TMEM176A: variants seen among roughly 807,000 people sequenced by gnomAD.
TMEM176A encodes hepatocellular carcinoma-associated antigen 112.
TMEM176A carries 20 observed loss-of-function variants against 27.9 expected under a neutral mutation model. That is an observed-to-expected ratio of 0.72 (90% CI 0.50 to 1.04). The LOEUF (loss-of-function observed/expected upper bound fraction) is 1.04. Ranked by LOEUF, TMEM176A falls within the 50% of genes least tolerant of loss-of-function variation. The probability of loss-of-function intolerance (pLI) is 0.00; values close to 1 mark genes in which losing one functional copy is unlikely to be tolerated. For missense variants in TMEM176A, 252 were observed against 289.1 expected (o/e 0.87, Z 0.93); for synonymous variants, 125 against 118.0 (o/e 1.06, Z -0.38).
chr7:150,803,738 C>G lies in TMEM176A; in HGVS notation c.461C>G (p.Ser154Cys). ...YSYYNSACRI[S>C]SSSDWNTPAP... ...TATTACAACAGTGCCTGCCGCATCT[C>G]CAGCTCGAGTGACTGGAACACTCCA... Residue 154 changes from serine to cysteine, a missense_variant, in exon 5 of 7, where the codon TCC becomes TGC. Ser to Cys is a moderately radical substitution (Grantham distance 112, BLOSUM62 -1). Coordinates refer to ENST00000004103, the MANE Select transcript of TMEM176A (RefSeq NM_018487.3). 6.2e-7 allele frequency: 1 copy of G among 1,614,204 alleles called. No homozygotes were observed. Among genetic ancestry groups the G allele is most frequent in the Non-Finnish European group, 8.5e-7 (1 of 1,180,036 alleles).
chr7:150,804,249 A>G, intron 5 of TMEM176A, 113 bp from the exon 6 acceptor site: 1 of 816,484 alleles, frequency 1.2e-6, no homozygotes. Flanking sequence ...TCCAGAAGCC[A>G]CGAACTTGGA....
In TMEM176A at chr7:150,801,563, G is replaced by C. The variant is rs1798787880; in HGVS notation, c.13G>C (p.Asp5His). Residue 5 changes from aspartate (D) to histidine (H), a missense_variant, in exon 2 of 7, where the codon GAC becomes CAC. Asp to His is a moderately conservative substitution (Grantham distance 81). Coordinates refer to ENST00000004103, the MANE Select transcript of TMEM176A (RefSeq NM_018487.3). Reference sequence around the variant, plus strand: ...TGTGTCCCTGACAATGGGAACAGCCGACAGTGATGAGATGGCCCCGGAGGC... The same window carrying C: ...TGTGTCCCTGACAATGGGAACAGCCCACAGTGATGAGATGGCCCCGGAGGC... Reference protein sequence around the residue: MGTADSDEMAPEAPQ... With the variant: MGTAHSDEMAPEAPQ... The C allele has an allele frequency of 1.9e-6, 3 of 1,602,502 alleles. No homozygotes were observed. The highest frequency in any genetic ancestry group is 3.5e-5 in the Admixed American group (2 of 56,738).
chr7:150,801,339 C>T (rs1381663476), intron 1 of TMEM176A, 197 bp from the exon 2 acceptor site: 4 of 491,836 alleles, frequency 8.1e-6, no homozygotes, highest in Non-Finnish European at 1.0e-5. Flanking sequence ...TCTGTAGTCG[C>T]CGCAGTTCCA....
chr7:150,804,804 T>G (rs547380117), intron 6 of TMEM176A, 23 bp from the exon 7 acceptor site: 1 of 1,614,096 alleles, frequency 6.2e-7, no homozygotes, highest in East Asian at 2.2e-5. Context: ...CTCACGATTG[T>G]CTTGCCTTTC....
At chr7:150,804,518 G>C in intron 6 of TMEM176A, 46 bp downstream of exon 6, 5 of 1,510,316 alleles carry the variant, frequency 3.3e-6, no homozygotes, top group Non-Finnish European at 4.6e-6. Context: ...CAGTGGAACT[G>C]CTCAAAGGAG....
intron 1 of TMEM176A, 113 bp from the exon 2 acceptor site, chr7:150,801,423 A>T (rs1474826570): frequency 9.5e-7 from 1 of 1,055,668 alleles, no homozygotes; most frequent in Non-Finnish European, 1.4e-6. Context: ...TGACCAGGAC[A>T]GCCATTCATT....
chr7:150,802,743 T>G (rs714883), intron 3 of TMEM176A: 167,379 of 1,009,888 alleles, frequency 0.17, 14,864 homozygotes, highest in Middle Eastern at 0.18. Context: ...ACCCAGGAAT[T>G]GTTGTCAACA....
chr7:150,804,993 T>G lies in TMEM176A; in HGVS notation c.*125T>G. On this transcript the variant is annotated 3_prime_UTR_variant, in exon 7 of 7. Coordinates refer to ENST00000004103, the MANE Select transcript of TMEM176A (RefSeq NM_018487.3). ...AACAGCCCCAGTTATCCTGGCCCCA[T>G]GACCGTGGCCACAGCCCTGCTCCAG... The G allele has an allele frequency of 2.0e-6, 2 of 1,020,646 alleles. No individual in the cohort carries two copies. Among genetic ancestry groups the G allele is most frequent in the Non-Finnish European group, 3.1e-6 (2 of 654,812 alleles). 63.2% of individuals were successfully genotyped at this position (1,020,646 alleles called of 1,614,324 possible).
chr7:150,803,069 C>G, intron 3 of TMEM176A: 2 of 1,045,760 alleles, frequency 1.9e-6, no homozygotes, highest in Non-Finnish European at 2.3e-6. Flanking sequence ...TCTCCAGCAC[C>G]CCATGACTTT....
intron 6 of TMEM176A, 173 bp from the exon 7 acceptor site, chr7:150,804,654 T>C: frequency 1.2e-6 from 1 of 863,608 alleles, no homozygotes; most frequent in South Asian, 1.6e-5. Flanking sequence ...CCCAACCAAG[T>C]GGCCCCCAAG....
Position 150,805,054 on chromosome 7 carries a change from C to G in TMEM176A, c.*186C>G. 1 of 632,026 alleles carries G rather than the reference C, an allele frequency of 1.6e-6. No homozygotes were observed. Among genetic ancestry groups the G allele is most frequent in the Non-Finnish European group, 2.8e-6 (1 of 354,448 alleles). 39.2% of individuals were successfully genotyped at this position (632,026 alleles called of 1,614,324 possible). On this transcript the variant is annotated 3_prime_UTR_variant, in exon 7 of 7. Coordinates refer to ENST00000004103, the MANE Select transcript of TMEM176A (RefSeq NM_018487.3). ...CCATTCCTTACACCCCTTCCCCATC[C>G]TGCTCCGCTTCATGTCCCCTCCTGA... is the stretch of plus-strand genomic sequence containing the variant.
Position 150,805,103 on chromosome 7 carries a change from C to A in TMEM176A, c.*235C>A. 1.9e-6 allele frequency: 1 copy of A among 522,390 alleles called. No individual in the cohort carries two copies. 32.4% of individuals were successfully genotyped at this position (522,390 alleles called of 1,614,324 possible). On this transcript the variant is annotated 3_prime_UTR_variant, in exon 7 of 7. Coordinates refer to ENST00000004103, the MANE Select transcript of TMEM176A (RefSeq NM_018487.3). Reference sequence around the variant, plus strand: ...GAGTAGTCATGTGATAATAAACTCTCATGTTATTGTTCCCAGGTTCTCGCT... The same window carrying A: ...GAGTAGTCATGTGATAATAAACTCTAATGTTATTGTTCCCAGGTTCTCGCT...
intron 3 of TMEM176A, chr7:150,803,183 A>G: frequency 7.8e-7 from 1 of 1,285,982 alleles, no homozygotes; most frequent in Admixed American, 3.8e-5. Flanking sequence ...GCTTGACCAC[A>G]AGCTCTTAGG....
chr7:150,804,725 A>ATGC, intron 6 of TMEM176A, 102 bp from the exon 7 acceptor site: 1 of 1,236,422 alleles, frequency 8.1e-7, no homozygotes. Flanking sequence ...ATCAGGTACC[A>ATGC]TGCTGCTGAT....
At chr7:150,800,850 G>A (rs942689943) in intron 1 of TMEM176A, 22 bp downstream of exon 1, 5 of 935,098 alleles carry the variant, frequency 5.3e-6, no homozygotes, top group Non-Finnish European at 5.1e-6. Flanking sequence ...CCCCACTCCC[G>A]GCGGCCCCCG....
In TMEM176A at chr7:150,803,387, A is replaced by C. The variant is rs1270568390; in HGVS notation, c.286-13A>C. 1 of 1,559,544 alleles carries C rather than the reference A, an allele frequency of 6.4e-7. No homozygotes were observed. The highest frequency in any genetic ancestry group is 1.4e-5 in the African/African-American group (1 of 72,774). On this transcript the variant is annotated splice_polypyrimidine_tract_variant and intron_variant, in intron 3 of 6. Transcript: ENST00000004103. Reference sequence around the variant, plus strand: ...CCTGTACTAAGCCTGCTCCTGGCTCAATCTCTCCCCAGGCTGTGCTGGCTG... The same window carrying C: ...CCTGTACTAAGCCTGCTCCTGGCTCCATCTCTCCCCAGGCTGTGCTGGCTG...
intron 6 of TMEM176A, 167 bp from the exon 7 acceptor site, chr7:150,804,660 C>G: frequency 2.2e-6 from 2 of 889,650 alleles, no homozygotes; most frequent in South Asian, 3.2e-5. Flanking sequence ...CAAGTGGCCC[C>G]CAAGTCAAAG....
chr7:150,803,572 G>A (rs1197937112), intron 4 of TMEM176A, 48 bp from the exon 5 acceptor site: 2 of 1,606,678 alleles, frequency 1.2e-6, no homozygotes, highest in Admixed American at 1.7e-5. Context: ...ACTGGACTCT[G>A]AGAGAGACTG....
Position 150,803,741 on chromosome 7 carries a change from G to A in TMEM176A, c.464G>A (p.Ser155Asn). The A allele has an allele frequency of 6.2e-7, 1 of 1,614,184 alleles. No individual in the cohort carries two copies. Among genetic ancestry groups the A allele is most frequent in the Non-Finnish European group, 8.5e-7 (1 of 1,180,048 alleles). The change falls in exon 5 of 7, where the codon AGC becomes AAC. Residue 155 changes from serine to asparagine, a missense_variant. Coordinates refer to ENST00000004103, the MANE Select transcript of TMEM176A (RefSeq NM_018487.3). ...TACAACAGTGCCTGCCGCATCTCCA[G>A]CTCGAGTGACTGGAACACTCCAGCC... ...SYYNSACRIS[S>N]SSDWNTPAPT...
Sources: allele counts gnomAD v4.1 joint callset, GRCh38; gene constraint gnomAD v4.1.1; transcripts MANE v1.5; gene names NCBI Gene and HGNC (gene_info 2026-07-23, HGNC 2026-07-21).